Variants in SRFBP1 observed in about 807,000 individuals in gnomAD.
SRFBP1 encodes serum response factor-binding protein 1.
Under a neutral mutation model 45.5 loss-of-function variants are expected in SRFBP1, and 47 were observed. The ratio of observed to expected loss-of-function variants is 1.03; its 90% CI spans 0.82 to 1.32. The LOEUF is 1.32. Ranked by LOEUF, SRFBP1 falls within the 40% of genes most tolerant of loss-of-function variation. The pLI is 0.00. For missense variants in SRFBP1, 621 were observed against 484.6 expected (o/e 1.28, Z -2.64); for synonymous variants, 203 against 166.3 (o/e 1.22, Z -1.70).
At chr5:122,001,546 CTTTTTTTTTTTTT>C (rs1166482651) in intron 4 of SRFBP1, among the ~76,000 whole-genome samples, 1 of 104,888 alleles carries the variant, frequency 9.5e-6, no homozygotes, top group Non-Finnish European at 1.9e-5. Context: ...CCTTTGGTAT[CTTTTTTTTTTTTT>C]TTTTTTTTTT....
chr5:122,077,514 G>A (rs770854063), downstream of SRFBP1: 5 of 1,613,830 alleles, frequency 3.1e-6, no homozygotes, highest in Non-Finnish European at 4.2e-6. This position sits in a 1 kb window ranked among gnomAD's most constrained non-coding sequence, Gnocchi z 4.9. Context: ...CTGGGCGGCC[G>A]CAGGTTACTG....
chr5:122,007,514 A>G (rs1753003329), intron 4 of SRFBP1, among the ~76,000 whole-genome samples: 1 of 151,556 alleles, frequency 6.6e-6, no homozygotes, highest in Non-Finnish European at 1.5e-5. Context: ...AACAGCCTGG[A>G]GCCTCGGTCT....
At chr5:122,026,049 C>T (rs549252588) in intron 7 of SRFBP1, among the ~76,000 whole-genome samples, 2 of 152,284 alleles carry the variant, frequency 1.3e-5, no homozygotes, top group African/African-American at 2.4e-5. Context: ...AAGATCACGC[C>T]ACTGCTCTCC....
intron 1 of SRFBP1, among the ~76,000 whole-genome samples, chr5:121,968,065 A>G (rs1027857738): frequency 6.6e-6 from 1 of 152,048 alleles, no homozygotes; most frequent in Non-Finnish European, 1.5e-5. Context: ...TTAGTAACAT[A>G]CGTATCTATA....
intron 2 of SRFBP1, chr5:122,065,720 T>C (rs955130157): frequency 2.0e-5 from 3 of 152,076 alleles, no homozygotes; most frequent in Non-Finnish European, 2.9e-5. Context: ...CTTTTTAAAA[T>C]CTAGAAAACT....
chr5:122,035,558 A>G (rs1753680512), intron 2 of SRFBP1, among the ~76,000 whole-genome samples: 1 of 152,140 alleles, frequency 6.6e-6, no homozygotes, highest in Non-Finnish European at 1.5e-5. Flanking sequence ...TTTTCCGACT[A>G]CCACATCTCT....
chr5:121,964,270 T>A, intron 1 of SRFBP1, among the ~76,000 whole-genome samples: 1 of 152,132 alleles, frequency 6.6e-6, no homozygotes, highest in South Asian at 2.1e-4. Context: ...TAGGTATACA[T>A]GTGCCATGGT....
chr5:122,077,045 C>A (rs1303993693), downstream of SRFBP1: 3 of 1,604,884 alleles, frequency 1.9e-6, no homozygotes, highest in Middle Eastern at 1.7e-4. The surrounding 1 kb of genome is among the most constrained non-coding windows in gnomAD (Gnocchi z 4.9). Flanking sequence ...AACAACCCGG[C>A]GCCCCCCGCT....
Position 122,066,932 on chromosome 5 carries a change from A to G in SRFBP1, n.312-8383A>G, listed in dbSNP as rs561673837. On this transcript the variant is annotated intron_variant and non_coding_transcript_variant, in intron 2 of 2. Coordinates refer to the SRFBP1 transcript ENST00000504881. ...TTTTAATAATGGTTTGAAGAAAGTG[A>G]CTATGTCAACAGCAGAGATGCCTGA... 9.8e-5 allele frequency among the ~76,000 whole-genome samples: 15 copies of G among 152,296 alleles called. No individual in the cohort carries two copies. The South Asian group carries it at 2.3e-3, about 23-fold the overall frequency.
intron 4 of SRFBP1, among the ~76,000 whole-genome samples, chr5:121,998,335 A>G (rs1400106542): frequency 6.7e-6 from 1 of 149,958 alleles, no homozygotes; most frequent in Non-Finnish European, 1.5e-5. Flanking sequence ...CTATGCAGCC[A>G]TAAAAAATGA....
chr5:122,016,586 C>T (rs1421049956), intron 4 of SRFBP1, among the ~76,000 whole-genome samples: 1 of 152,100 alleles, frequency 6.6e-6, no homozygotes, highest in Non-Finnish European at 1.5e-5. Flanking sequence ...TCTTCTTAGC[C>T]TGAAAAATCA....
intron 3 of SRFBP1, among the ~76,000 whole-genome samples, chr5:121,984,759 G>A (rs993662761): frequency 4.0e-5 from 6 of 151,628 alleles, no homozygotes; most frequent in Admixed American, 2.0e-4. Flanking sequence ...GAAAAGTTAC[G>A]CTAAAACTAG....
intron 2 of SRFBP1, among the ~76,000 whole-genome samples, chr5:122,048,998 T>G (rs1172463110): frequency 6.6e-6 from 1 of 151,586 alleles, no homozygotes; most frequent in East Asian, 1.9e-4. Flanking sequence ...AAAAATGAGC[T>G]CCTGGATTCA....
intron 2 of SRFBP1, among the ~76,000 whole-genome samples, chr5:122,042,100 G>A (rs1031730872): frequency 2.6e-5 from 4 of 151,984 alleles, no homozygotes; most frequent in Admixed American, 2.0e-4. Context: ...AACTCTGAAA[G>A]AACATTTGTG....
At chr5:121,993,392 G>A (rs1286435461) in intron 3 of SRFBP1, among the ~76,000 whole-genome samples, 1 of 152,076 alleles carries the variant, frequency 6.6e-6, no homozygotes, top group African/African-American at 2.4e-5. Flanking sequence ...TGTTTAAATT[G>A]TCCTATGACA....
chr5:122,031,063 G>A (rs1050841370), downstream of SRFBP1, among the ~76,000 whole-genome samples: 1 of 152,126 alleles, frequency 6.6e-6, no homozygotes, highest in East Asian at 1.9e-4. Flanking sequence ...TTAACTTGTG[G>A]CTAAGTATTA....
chr5:121,976,002 G>A (rs1381155280), intron 3 of SRFBP1, among the ~76,000 whole-genome samples: 1 of 151,656 alleles, frequency 6.6e-6, no homozygotes, highest in Non-Finnish European at 1.5e-5. Context: ...CTGTTTTACT[G>A]TAGAACTTAA....
In SRFBP1 at chr5:122,066,748, A is replaced by G. The variant is rs779649796; in HGVS notation, n.312-8567A>G. 4.4e-6 allele frequency: 7 copies of G among 1,593,234 alleles called. No homozygotes were observed. The South Asian group carries it at 7.7e-5, about 18-fold the overall frequency. ...TGGGAGTTTTGCTTTGCCTTCTAAT[A>G]CCTAGATTAAGAAGACAAAATAAGA... On this transcript the variant is annotated intron_variant and non_coding_transcript_variant, in intron 2 of 2. Coordinates refer to the SRFBP1 transcript ENST00000504881.
intron 4 of SRFBP1, among the ~76,000 whole-genome samples, chr5:122,012,787 A>T (rs1753121389): frequency 6.6e-6 from 1 of 152,128 alleles, no homozygotes; most frequent in South Asian, 2.1e-4. Context: ...GTGTTATAAT[A>T]CCAGTATTCT....
Sources: gnomAD v4.1 joint callset for allele counts (sites outside exome capture counted in the v4.1 genomes callset) on GRCh38, gnomAD v4.1.1 for gene constraint, Gnocchi (gnomAD v3.1) non-coding constraint, MANE v1.5 for transcripts, NCBI Gene and HGNC (gene_info 2026-07-23, HGNC 2026-07-21) for gene names.